The following RALGDS variants were observed in gnomAD, a reference collection of about 807,000 sequenced individuals.
The protein encoded by RALGDS is ral guanine nucleotide dissociation stimulator.
RALGDS carries 44 observed loss-of-function variants against 99.8 expected under a neutral mutation model. The observed-to-expected ratio is 0.44, with a 90% confidence interval of 0.35 to 0.57. The LOEUF is 0.57. Among genes scored for constraint, RALGDS ranks in the 20% least tolerant of loss-of-function variants. The probability of loss-of-function intolerance (pLI) is 0.01; values close to 1 mark genes in which losing one functional copy is unlikely to be tolerated. For missense variants in RALGDS, 1,022 were observed against 1,203.1 expected, an observed-to-expected ratio of 0.85 and a Z score of 2.23; for synonymous variants, 529 against 505.0, an observed-to-expected ratio of 1.05 and a Z score of -0.64.
intron 1 of RALGDS, among the ~76,000 whole-genome samples, chr9:133,129,789 A>G (rs1832276603): frequency 6.7e-6 from 1 of 149,646 alleles, no homozygotes; most frequent in African/African-American, 2.4e-5. Flanking sequence ...CCTGGCACCC[A>G]GGCACGAGAT....
At chr9:133,104,459 C>T (rs1830918533) in intron 9 of RALGDS, 128 bp from the exon 10 acceptor site, 3 of 864,180 alleles carry the variant, frequency 3.5e-6, no homozygotes. Flanking sequence ...AGTGTGGGGT[C>T]CTGGGCCGGT....
chr9:133,102,851 T>C lies in RALGDS; in HGVS notation c.1841A>G (p.Asn614Ser). Residue 614 changes from asparagine (N) to serine (S), a missense_variant, in exon 13 of 18, where the codon AAC becomes AGC. This residue lies in a region of RALGDS where 825 missense variants were observed against 994.5 expected (regional missense o/e 0.83). Transcript: ENST00000372050. ...QIKLLQSACN[N>S]YSIAPDEQFG... ...TTGCTCATCTGGCGCGATGCTGTAG[T>C]TGTTGCAGGCCGACTGCAGCAGCTT... 6.2e-7 allele frequency: 1 copy of C among 1,613,734 alleles called. No homozygotes were observed. The highest frequency in any genetic ancestry group is 1.1e-5 in the South Asian group (1 of 90,980).
intron 13 of RALGDS, 56 bp from the exon 14 acceptor site, chr9:133,102,627 C>T (rs765029646): frequency 2.1e-5 from 33 of 1,607,576 alleles, no homozygotes; most frequent in Non-Finnish European, 2.6e-5. Flanking sequence ...GGCCTTCCCC[C>T]AGCACCTGCC....
chr9:133,125,675 G>A (rs950876737), upstream of RALGDS, among the ~76,000 whole-genome samples: 1 of 152,168 alleles, frequency 6.6e-6, no homozygotes, highest in African/African-American at 2.4e-5. Context: ...GGTGGAGGTT[G>A]CAGTGAGCCG....
In RALGDS at chr9:133,103,538, T is replaced by C; in HGVS notation, c.1758+209A>G. 3 of 693,644 alleles carry C rather than the reference T, an allele frequency of 4.3e-6. No individual in the cohort carries two copies. The South Asian group carries it at 5.0e-5, about 11-fold the overall frequency. The allele number at this position is 693,644 out of a possible 1,614,324, so 43.0% of individuals were successfully genotyped here. On this transcript the variant is annotated intron_variant, in intron 11 of 17. Coordinates refer to ENST00000372050, the MANE Select transcript of RALGDS (RefSeq NM_006266.4). ...CTGACCGCTGAGGGCCTGGCTTCCCTCTGTGCTCAGGGTCACTGCCTGAGG... is the reference window on the plus strand; with the variant it reads ...CTGACCGCTGAGGGCCTGGCTTCCCCCTGTGCTCAGGGTCACTGCCTGAGG...
chr9:133,145,381 AC>A (rs1273458207), intron 1 of RALGDS, among the ~76,000 whole-genome samples: 1 of 90,508 alleles, frequency 1.1e-5, no homozygotes, highest in Admixed American at 1.1e-4. Context: ...TGTTACCCCC[AC>A]CCCCCGCCCC....
intron 1 of RALGDS, among the ~76,000 whole-genome samples, chr9:133,112,526 G>A (rs918220224): frequency 2.1e-4 from 32 of 152,312 alleles, no homozygotes; most frequent in Middle Eastern, 3.4e-3. Flanking sequence ...ACTGGTCCAA[G>A]GTCATGCTGC....
intron 2 of RALGDS, among the ~76,000 whole-genome samples, 163 bp downstream of exon 2, chr9:133,111,879 G>T (rs1831360185): frequency 6.6e-6 from 1 of 152,184 alleles, no homozygotes; most frequent in Admixed American, 6.5e-5. Context: ...CCGGGGAAGG[G>T]AGGTCAAACA....
At chr9:133,132,869 C>T (rs986068933), upstream of RALGDS, among the ~76,000 whole-genome samples, 1 of 152,106 alleles carries the variant, frequency 6.6e-6, no homozygotes, top group Admixed American at 6.5e-5. Context: ...AAACTCCTGA[C>T]GTCGAGATCC....
chr9:133,098,858 C>T (rs932411298), intron 17 of RALGDS, 96 bp from the exon 18 acceptor site: 2 of 1,261,956 alleles, frequency 1.6e-6, no homozygotes, highest in Non-Finnish European at 2.3e-6. Context: ...CTGTCTTGAG[C>T]CACAGACCTC....
chr9:133,149,004 C>A, exon 1 of RALGDS: 1 of 1,562,584 alleles, frequency 6.4e-7, no homozygotes, highest in South Asian at 1.2e-5. Context: ...GGCACATCGC[C>A]GGCCCCAGGG....
chr9:133,148,056 C>CAA, intron 1 of RALGDS, among the ~76,000 whole-genome samples: 1 of 152,284 alleles, frequency 6.6e-6, no homozygotes, highest in African/African-American at 2.4e-5. Context: ...CCCTTCAGCC[C>CAA]CCCCGGCTTC....
At chr9:133,138,616 GGT>G (rs1348371233) in intron 1 of RALGDS, among the ~76,000 whole-genome samples, 1 of 152,176 alleles carries the variant, frequency 6.6e-6, no homozygotes, top group African/African-American at 2.4e-5. Flanking sequence ...CCCTCCTCAT[GGT>G]CACGGCTCCG....
intron 1 of RALGDS, among the ~76,000 whole-genome samples, chr9:133,138,773 T>C (rs1425796564): frequency 6.6e-6 from 1 of 152,198 alleles, no homozygotes; most frequent in Non-Finnish European, 1.5e-5. Context: ...TAGCTGGAAT[T>C]ACAGGTGTGC....
Position 133,098,577 on chromosome 9 carries a change from G to C in RALGDS, c.*10C>G, listed in dbSNP as rs1245606634. The C allele has an allele frequency of 1.9e-6, 3 of 1,613,712 alleles. No homozygotes were observed. Among genetic ancestry groups the C allele is most frequent in the Admixed American group, 3.3e-5 (2 of 60,008 alleles). On this transcript the variant is annotated 3_prime_UTR_variant, in exon 18 of 18. Coordinates refer to ENST00000372050, the MANE Select transcript of RALGDS (RefSeq NM_006266.4). ...TGGCTACCAGCCAGCCAGACCCTGG[G>C]AGGATGCCCTCAGAAGATGCCCTTG...
chr9:133,102,771 G>C lies in RALGDS; in HGVS notation c.1913+8C>G. ...CCCCACTGTCCCCATTTGCTGCCCC[G>C]GCCTCACCTCTCAGTCTCGCTGAGC... On this transcript the variant is annotated splice_region_variant and intron_variant, in intron 13 of 17. Coordinates refer to ENST00000372050, the MANE Select transcript of RALGDS (RefSeq NM_006266.4). The C allele has an allele frequency of 6.2e-7, 1 of 1,610,840 alleles. No individual in the cohort carries two copies.
chr9:133,112,182 C>G (rs552607053), intron 1 of RALGDS, 30 bp from the exon 2 acceptor site: 5 of 1,489,234 alleles, frequency 3.4e-6, no homozygotes, highest in Non-Finnish European at 4.6e-6. Flanking sequence ...CAGCCGGGCG[C>G]GGGGACGTCA....
intron 17 of RALGDS, chr9:133,099,702 C>T (rs193161021): frequency 1.3e-3 from 231 of 171,874 alleles, no homozygotes; most frequent in African/African-American, 4.4e-3. Context: ...GATGAACACA[C>T]TGGCTACTTT....
intron 6 of RALGDS, 55 bp downstream of exon 6, chr9:133,107,933 G>A (rs1448556073): frequency 1.9e-6 from 3 of 1,595,860 alleles, no homozygotes; most frequent in Non-Finnish European, 8.6e-7. Context: ...GTCTGGGACA[G>A]CAGATGCTGC....
Sources: allele counts gnomAD v4.1 joint callset (sites outside exome capture counted in the v4.1 genomes callset), GRCh38; gene constraint gnomAD v4.1.1; regional missense constraint gnomAD v4.1.1; transcripts MANE v1.5; gene names NCBI Gene and HGNC (gene_info 2026-07-23, HGNC 2026-07-21).